TCEA1: variants seen among roughly 807,000 people sequenced by gnomAD.
TCEA1 encodes the protein transcription elongation factor A protein 1.
In TCEA1, 21 loss-of-function variants were observed where a neutral mutation model predicts 43.8. That is an observed-to-expected ratio of 0.48 (90% CI 0.34 to 0.69). The LOEUF is 0.69. Among genes scored for constraint, TCEA1 ranks in the 30% least tolerant of loss-of-function variants. TCEA1 has a pLI of 0.01. For missense variants in TCEA1, 250 were observed against 365.1 expected (o/e 0.68, Z 2.57); for synonymous variants, 104 against 117.5 (o/e 0.88, Z 0.75).
At chr8:54,009,722 G>A (rs1253362073) in intron 2 of TCEA1, 1 of 152,194 alleles carries the variant, frequency 6.6e-6, no homozygotes, top group Non-Finnish European at 1.5e-5. Flanking sequence ...CGAACATATA[G>A]TTAGATAGAA....
chr8:54,005,693 C>T (rs1804416271), intron 2 of TCEA1, among the ~76,000 whole-genome samples: 1 of 152,160 alleles, frequency 6.6e-6, no homozygotes, highest in Non-Finnish European at 1.5e-5. Context: ...AATTCCCCTT[C>T]TCTCCATTTA....
In TCEA1 at chr8:53,994,081, G is replaced by T. The variant is rs546234157; in HGVS notation, c.233-326C>A. The stretch of plus-strand genomic sequence containing the variant: ...AAAAATGAAAGCACAGGCCGGTGCA[G>T]TGGCTCACGCCTGTAATTCCAGCAG... On this transcript the variant is annotated intron_variant, in intron 3 of 9. Coordinates refer to ENST00000521604, the MANE Select transcript of TCEA1 (RefSeq NM_006756.4). 2.9e-4 allele frequency among the ~76,000 whole-genome samples: 44 copies of T among 152,358 alleles called. No individual in the cohort carries two copies. In the Middle Eastern group the frequency reaches 0.01, roughly 35 times the overall value.
At chr8:53,971,555 G>T (rs1933706753) in intron 8 of TCEA1, 1 of 154,072 alleles carries the variant, frequency 6.5e-6, no homozygotes, top group African/African-American at 2.4e-5. Flanking sequence ...AGGCTGCAGT[G>T]AGCCGAGGTC....
chr8:54,004,937 A>C (rs1804392331), intron 2 of TCEA1, among the ~76,000 whole-genome samples: 1 of 152,262 alleles, frequency 6.6e-6, no homozygotes, highest in Admixed American at 6.5e-5. Flanking sequence ...TTAATCTACT[A>C]TATATAAAAA....
chr8:54,013,955 G>GT (rs1261294698), intron 1 of TCEA1, among the ~76,000 whole-genome samples: 2 of 152,120 alleles, frequency 1.3e-5, no homozygotes, highest in African/African-American at 4.8e-5. Context: ...ACTAGAAAAG[G>GT]TAAGATCTAC....
chr8:53,997,654 T>C (rs1249092283), intron 3 of TCEA1, among the ~76,000 whole-genome samples: 1 of 152,138 alleles, frequency 6.6e-6, no homozygotes, highest in African/African-American at 2.4e-5. Context: ...ACCTAACACT[T>C]TGGGAGGCCA....
intron 1 of TCEA1, 94 bp from the exon 2 acceptor site, chr8:54,010,586 T>A: frequency 1.1e-6 from 1 of 944,336 alleles, no homozygotes; most frequent in Non-Finnish European, 1.6e-6. Context: ...AGAAAACAGC[T>A]AAAGAGGAAT....
At chr8:53,985,178 G>A (rs934791762) in intron 6 of TCEA1, among the ~76,000 whole-genome samples, 9 of 151,888 alleles carry the variant, frequency 5.9e-5, no homozygotes, top group African/African-American at 1.9e-4. Context: ...CACCATGCCC[G>A]GCTAATTTTT....
chr8:53,987,884 A>G (rs1486429814), intron 5 of TCEA1, among the ~76,000 whole-genome samples: 1 of 152,232 alleles, frequency 6.6e-6, no homozygotes, highest in Non-Finnish European at 1.5e-5. Flanking sequence ...ACATCCATGT[A>G]TTAGAGGGAA....
At chr8:53,984,335 T>TAA (rs768667582) in intron 7 of TCEA1, 28 bp downstream of exon 7, 4 of 1,567,026 alleles carry the variant, frequency 2.6e-6, no homozygotes, top group Middle Eastern at 2.4e-4. Flanking sequence ...AATCACATTA[T>TAA]AGAAACCTCA....
chr8:54,022,279 G>GGCGGCC lies in TCEA1; in HGVS notation c.-155_-154insGGCCGC, dbSNP rs1805074910. 1.6e-6 allele frequency: 1 copy of GGCGGCC among 631,014 alleles called. No individual in the cohort carries two copies. The highest frequency in any genetic ancestry group is 3.0e-5 in the Admixed American group (1 of 33,316). The allele number at this position is 631,014 out of a possible 1,614,324, so 39.1% of individuals were successfully genotyped here. A position where few individuals can be genotyped will look rare whatever the true frequency, so the allele number is the denominator to read the frequency against. ...CCCCTTCCTTACGAACGAAGCCCGC[G>GGCGGCC]GCGGCGGCGGCGGCGGCGGCGGCTC... On this transcript the variant is annotated 5_prime_UTR_variant, in exon 1 of 10. Transcript: ENST00000521604.
chr8:53,987,550 G>A (rs1803728641), intron 5 of TCEA1, among the ~76,000 whole-genome samples: 2 of 152,256 alleles, frequency 1.3e-5, no homozygotes, highest in South Asian at 4.1e-4. Flanking sequence ...GGTCAAACTA[G>A]CCATGGTGCA....
chr8:54,009,399 T>C (rs1173757629), intron 2 of TCEA1, among the ~76,000 whole-genome samples: 1 of 152,134 alleles, frequency 6.6e-6, no homozygotes, highest in Non-Finnish European at 1.5e-5. Context: ...CTATTCACAA[T>C]AGCCAAGATA....
chr8:53,968,136 T>G, intron 9 of TCEA1, 24 bp from the exon 10 acceptor site: 2 of 1,513,768 alleles, frequency 1.3e-6, no homozygotes, highest in Non-Finnish European at 1.8e-6. Context: ...AAAAATATTT[T>G]GTAAGACCTT....
rs79633983 is a variant in TCEA1, at chr8:53,990,465, G to A, written c.321-2206C>T. On this transcript the variant is annotated intron_variant, in intron 4 of 9. Transcript: ENST00000521604. ...GCAGCCATGACCCCCAAACTCAGACGGTTCTCCTGCCTCAGCCTCCCAAGT... is the reference window on the plus strand; with the variant it reads ...GCAGCCATGACCCCCAAACTCAGACAGTTCTCCTGCCTCAGCCTCCCAAGT... 3.7e-4 allele frequency among the ~76,000 whole-genome samples: 56 copies of A among 151,102 alleles called. No individual in the cohort carries two copies. The East Asian group carries it at 8.6e-3, about 23-fold the overall frequency.
chr8:54,013,680 C>CAAAAAAAAAAAAA (rs5891511), intron 1 of TCEA1, among the ~76,000 whole-genome samples: 9 of 65,300 alleles, frequency 1.4e-4, no homozygotes, highest in South Asian at 8.4e-4. Context: ...AACTCCATCT[C>CAAAAAAAAAAAAA]AAAAAAAAAA....
At chr8:53,990,919 T>A (rs1054608781) in intron 4 of TCEA1, among the ~76,000 whole-genome samples, 4 of 152,256 alleles carry the variant, frequency 2.6e-5, no homozygotes, top group African/African-American at 9.6e-5. Flanking sequence ...TTTAACCTTC[T>A]ATCTTTCTTT....
chr8:54,013,680 CAAAAAAAAAAA>C (rs5891511), intron 1 of TCEA1, among the ~76,000 whole-genome samples: 1 of 65,298 alleles, frequency 1.5e-5, no homozygotes, highest in Non-Finnish European at 2.8e-5. Flanking sequence ...AACTCCATCT[CAAAAAAAAAAA>C]AAAAAAAAAA....
intron 3 of TCEA1, among the ~76,000 whole-genome samples, chr8:53,996,241 T>C (rs1463196983): frequency 1.3e-5 from 2 of 152,222 alleles, no homozygotes; most frequent in African/African-American, 4.8e-5. Flanking sequence ...ATTCCTACTA[T>C]CTGATACGGT....
Sources: gnomAD v4.1 joint callset for allele counts (sites outside exome capture counted in the v4.1 genomes callset) on GRCh38, gnomAD v4.1.1 for gene constraint, MANE v1.5 for transcripts, NCBI Gene and HGNC (gene_info 2026-07-23, HGNC 2026-07-21) for gene names.